The following NCAM1 variants were observed in gnomAD, a reference collection of about 807,000 sequenced individuals.
NCAM1 encodes antigen recognized by monoclonal antibody 5.1H11.
A neutral mutation model predicts 109.8 loss-of-function variants in NCAM1; 14 were observed. That is an observed-to-expected ratio of 0.13 (90% confidence interval 0.08 to 0.20). The LOEUF (loss-of-function observed/expected upper bound fraction) is 0.20. NCAM1 is among the 10% of genes least tolerant of loss of function. The pLI is 1.00. For synonymous variants in NCAM1, 418 were observed against 442.9 expected (o/e 0.94, Z 0.70); for missense variants, 774 against 1,109.9 (o/e 0.70, Z 4.30).
chr11:113,091,071 T>A (rs1555089293), intron 1 of NCAM1, among the ~76,000 whole-genome samples: 5 of 152,198 alleles, frequency 3.3e-5, no homozygotes. Flanking sequence ...TGAGCTAGTG[T>A]GTGGGCAGTT....
chr11:113,261,554 G>A (rs1264137056), intron 17 of NCAM1, among the ~76,000 whole-genome samples: 1 of 152,178 alleles, frequency 6.6e-6, no homozygotes, highest in Non-Finnish European at 1.5e-5. Flanking sequence ...CGGTGCAGAA[G>A]GCAAGGCACG....
intron 8 of NCAM1, among the ~76,000 whole-genome samples, chr11:113,218,279 G>A (rs1555114681): frequency 6.6e-6 from 1 of 152,176 alleles, no homozygotes; most frequent in East Asian, 1.9e-4. Context: ...CCCTTAGACT[G>A]CCACAATGGC....
At chr11:113,182,963 A>G (rs1354143633) in intron 1 of NCAM1, among the ~76,000 whole-genome samples, 2 of 152,214 alleles carry the variant, frequency 1.3e-5, no homozygotes, top group Admixed American at 6.5e-5. Context: ...CCAGCCCTGG[A>G]AGAAAAATGA....
intron 16 of NCAM1, among the ~76,000 whole-genome samples, chr11:113,258,420 T>C (rs1033810256): frequency 2.6e-5 from 4 of 152,174 alleles, no homozygotes; most frequent in Non-Finnish European, 5.9e-5. Context: ...AGAGACCAGG[T>C]CACACTGCAT....
At chr11:113,111,782 A>G (rs1205508799) in intron 1 of NCAM1, among the ~76,000 whole-genome samples, 2 of 152,210 alleles carry the variant, frequency 1.3e-5, no homozygotes, top group African/African-American at 2.4e-5. Flanking sequence ...TGTCTTTAAA[A>G]GAGAGACTCT....
At chr11:113,199,787 A>T (rs1943981737) in intron 1 of NCAM1, among the ~76,000 whole-genome samples, 1 of 151,044 alleles carries the variant, frequency 6.6e-6, no homozygotes, top group Non-Finnish European at 1.5e-5. Flanking sequence ...GTATAATAAT[A>T]AAAAAAAGAA....
Position 113,139,327 on chromosome 11 carries a change from G to T in NCAM1, c.53-63052G>T, listed in dbSNP as rs538638629. Among the ~76,000 whole-genome samples, 48 of 152,262 alleles carry T rather than the reference G, an allele frequency of 3.2e-4. 1 individual carries two copies. The highest frequency in any genetic ancestry group is 3.4e-3 in the Middle Eastern group (1 of 292). ...AATATTACATTCAGTGCTACAGCAG[G>T]ATGTGATCACTCAACTATTTAGCTT... On this transcript the variant is annotated intron_variant, in intron 1 of 19. Coordinates refer to ENST00000316851, the MANE Select transcript of NCAM1 (RefSeq NM_181351.5).
intron 1 of NCAM1, among the ~76,000 whole-genome samples, chr11:113,171,683 A>G (rs1555106288): frequency 6.6e-6 from 1 of 151,942 alleles, no homozygotes; most frequent in Non-Finnish European, 1.5e-5. Context: ...AGAAGAGATA[A>G]CTTATTGCCC....
intron 1 of NCAM1, among the ~76,000 whole-genome samples, chr11:113,167,139 G>A (rs527911969): frequency 2.6e-5 from 4 of 152,316 alleles, no homozygotes; most frequent in African/African-American, 9.6e-5. Context: ...AATCAGAGGA[G>A]CTGTCAAGCA....
intron 7 of NCAM1, among the ~76,000 whole-genome samples, chr11:113,212,826 T>G (rs1944427848): frequency 6.6e-6 from 1 of 152,212 alleles, no homozygotes; most frequent in Admixed American, 6.5e-5. Context: ...AGTTGTAATA[T>G]TCTCAAAAAT....
intron 1 of NCAM1, among the ~76,000 whole-genome samples, chr11:113,185,567 A>G (rs1555108737): frequency 6.6e-6 from 1 of 152,222 alleles, no homozygotes; most frequent in African/African-American, 2.4e-5. Flanking sequence ...GTAGCATTGT[A>G]CTTCCTAAAG....
Position 113,277,309 on chromosome 11 carries a change from T to G in NCAM1, c.*1922T>G, listed in dbSNP as rs1946415913. 3 of 398,932 alleles carry G rather than the reference T, an allele frequency of 7.5e-6. No homozygotes were observed. The highest frequency in any genetic ancestry group is 4.1e-5 in the African/African-American group (2 of 48,608). The allele number at this position is 398,932 out of a possible 1,614,324, so 24.7% of individuals were successfully genotyped here. On this transcript the variant is annotated 3_prime_UTR_variant, in exon 20 of 20. Coordinates refer to ENST00000316851, the MANE Select transcript of NCAM1 (RefSeq NM_181351.5). ...TTCAAACTGTGAAGAATAATGGTCT[T>G]GTCATTTGCTCAATGTGGGGTTATG...
At chr11:113,042,332 G>A (rs1458178029) in intron 1 of NCAM1, among the ~76,000 whole-genome samples, 3 of 152,140 alleles carry the variant, frequency 2.0e-5, no homozygotes, top group Admixed American at 1.3e-4. Context: ...CCCAGACACC[G>A]AATTCAGTGG....
At chr11:113,064,738 G>T (rs1937866499) in intron 1 of NCAM1, among the ~76,000 whole-genome samples, 1 of 152,076 alleles carries the variant, frequency 6.6e-6, no homozygotes, top group Admixed American at 6.5e-5. Flanking sequence ...ATCACCCAGT[G>T]CTAGGTGCCA....
chr11:113,022,826 T>A (rs536424758), intron 1 of NCAM1, among the ~76,000 whole-genome samples: 1 of 152,294 alleles, frequency 6.6e-6, no homozygotes, highest in Non-Finnish European at 1.5e-5. Context: ...GGATCTTACC[T>A]TGTGGCTCAA....
intron 16 of NCAM1, among the ~76,000 whole-genome samples, chr11:113,257,212 A>G (rs1448196150): frequency 6.6e-6 from 1 of 152,186 alleles, no homozygotes; most frequent in Non-Finnish European, 1.5e-5. Context: ...GTGGCCCCCA[A>G]TATACCCCTG....
intron 1 of NCAM1, among the ~76,000 whole-genome samples, chr11:113,074,169 T>C (rs1157975042): frequency 6.6e-6 from 1 of 152,206 alleles, no homozygotes; most frequent in Non-Finnish European, 1.5e-5. Context: ...AGCTTCGCAG[T>C]ATAAAGTCTC....
In NCAM1 at chr11:113,237,923, G is replaced by T. The variant is rs7119718; in HGVS notation, c.1825+2759G>T. Among the ~76,000 whole-genome samples the T allele has an allele frequency of 5.1e-4, 11 of 21,780 alleles. 1 individual carries two copies. In the East Asian group the frequency reaches 8.2e-3, roughly 16 times the overall value. 14.3% of individuals were successfully genotyped at this position (21,780 alleles called of 152,430 possible). On this transcript the variant is annotated intron_variant, in intron 14 of 19. Transcript: ENST00000316851. ...ATATATAGATATATATAGATATATA[G>T]ATATAGATATATAGATATATATATA...
intron 14 of NCAM1, among the ~76,000 whole-genome samples, chr11:113,236,968 G>A (rs11214547): frequency 0.072 from 10,971 of 152,176 alleles, 880 homozygotes; most frequent in East Asian, 0.39. Context: ...CTCTAGTTCC[G>A]GTCAGCTCTG....
Sources: allele counts gnomAD v4.1 joint callset (sites outside exome capture counted in the v4.1 genomes callset), GRCh38; gene constraint gnomAD v4.1.1; transcripts MANE v1.5; gene names NCBI Gene and HGNC (gene_info 2026-07-23, HGNC 2026-07-21).